Variants in MPZL1 observed in about 807,000 individuals in gnomAD.
MPZL1 encodes myelin protein zero-like protein 1.
Under a neutral mutation model 29.3 loss-of-function variants are expected in MPZL1, and 16 were observed. That is an observed-to-expected ratio of 0.55 (90% CI 0.37 to 0.83). The LOEUF (loss-of-function observed/expected upper bound fraction) is 0.83, where lower values mean the gene tolerates loss of function less well. Among genes scored for constraint, MPZL1 ranks in the 40% least tolerant of loss-of-function variants. The pLI, the probability that MPZL1 is intolerant of heterozygous loss-of-function variation, is 0.00. For missense variants in MPZL1, 279 were observed against 332.9 expected, an observed-to-expected ratio of 0.84 and a Z score of 1.26; for synonymous variants, 143 against 132.0, an observed-to-expected ratio of 1.08 and a Z score of -0.57.
At chr1:167,785,823 C>T (rs1322479780) in intron 5 of MPZL1, among the ~76,000 whole-genome samples, 3 of 152,062 alleles carry the variant, frequency 2.0e-5, no homozygotes, top group African/African-American at 4.8e-5. Flanking sequence ...GACGGAGTCT[C>T]GCTTTGTCAC....
chr1:167,737,050 T>C (rs1453039181), intron 1 of MPZL1, among the ~76,000 whole-genome samples: 1 of 152,208 alleles, frequency 6.6e-6, no homozygotes, highest in Non-Finnish European at 1.5e-5. Flanking sequence ...CCTATTTAGC[T>C]TTCTCATCTC....
rs1008152873 is a variant in MPZL1 at position 167,791,776 on chromosome 1, G to A, written c.*3855G>A. 1 of 152,158 alleles carries A rather than the reference G, an allele frequency of 6.6e-6. No individual in the cohort carries two copies. The highest frequency in any genetic ancestry group is 1.5e-5 in the Non-Finnish European group (1 of 68,018). The allele number at this position is 152,158 out of a possible 1,614,324, so 9.4% of individuals were successfully genotyped here. A position where few individuals can be genotyped will look rare whatever the true frequency, so the allele number is the denominator to read the frequency against. On this transcript the variant is annotated 3_prime_UTR_variant, in exon 6 of 6. Transcript: ENST00000359523. ...AGGAGCTGGTTAGAGAGTCCCTTAG[G>A]AACTTGAGAGGGTAGTGTAGTCTAG...
At chr1:167,766,962 C>A (rs760952120) in intron 2 of MPZL1, among the ~76,000 whole-genome samples, 2 of 151,202 alleles carry the variant, frequency 1.3e-5, no homozygotes, top group Non-Finnish European at 2.9e-5. Flanking sequence ...TTAAAAGGAG[C>A]CTTTTCACAT....
chr1:167,737,090 C>G (rs912424214), intron 1 of MPZL1, among the ~76,000 whole-genome samples: 11 of 152,218 alleles, frequency 7.2e-5, no homozygotes, highest in Non-Finnish European at 1.6e-4. Flanking sequence ...AGCACTTTGC[C>G]TCTAAGCTTC....
intron 1 of MPZL1, among the ~76,000 whole-genome samples, chr1:167,760,467 T>G (rs1660962946): frequency 6.6e-6 from 1 of 152,086 alleles, no homozygotes; most frequent in East Asian, 1.9e-4. Flanking sequence ...CCTCCCAAAG[T>G]GCTGGGATTA....
intron 2 of MPZL1, among the ~76,000 whole-genome samples, chr1:167,771,609 G>A (rs1241172433): frequency 5.9e-5 from 9 of 152,022 alleles, no homozygotes; most frequent in African/African-American, 1.9e-4. Flanking sequence ...AGACGGGGTG[G>A]TGGCCGGGCA....
intron 5 of MPZL1, among the ~76,000 whole-genome samples, chr1:167,784,024 A>G (rs1197671222): frequency 6.6e-6 from 1 of 152,218 alleles, no homozygotes; most frequent in Non-Finnish European, 1.5e-5. Flanking sequence ...TGAAAGGTGT[A>G]CTACAGGACA....
At chr1:167,762,077 A>T (rs1269986049) in intron 1 of MPZL1, among the ~76,000 whole-genome samples, 2 of 152,098 alleles carry the variant, frequency 1.3e-5, no homozygotes, top group Non-Finnish European at 2.9e-5. Flanking sequence ...GCAGGTACTG[A>T]TGATTGGGTC....
Position 167,791,329 on chromosome 1 carries a change from A to G in MPZL1, c.*3408A>G, listed in dbSNP as rs1259813566. 6.6e-6 allele frequency: 1 copy of G among 152,244 alleles called. No individual in the cohort carries two copies. Among genetic ancestry groups the G allele is most frequent in the East Asian group, 1.9e-4 (1 of 5,200 alleles). The allele number at this position is 152,244 out of a possible 1,614,324, so 9.4% of individuals were successfully genotyped here. A position where few individuals can be genotyped will look rare whatever the true frequency, so the allele number is the denominator to read the frequency against. ...GAAGCATTCATCCATTCAGCAACCT[A>G]CACTGAGAACAATCCTGTGCCAAGC... On this transcript the variant is annotated 3_prime_UTR_variant, in exon 6 of 6. Transcript: ENST00000359523.
chr1:167,741,499 T>A (rs1660524527), intron 1 of MPZL1, among the ~76,000 whole-genome samples: 1 of 151,702 alleles, frequency 6.6e-6, no homozygotes, highest in Non-Finnish European at 1.5e-5. Context: ...CTAATTTTTG[T>A]ATTTTTAGTA....
chr1:167,775,967 G>A lies in MPZL1; in HGVS notation c.606-97G>A, dbSNP rs897861892. ...TGTCTTTTGTTTTTATATATCTGTT[G>A]CTTCATCTTGCCGTCAGTTGCATTT... On this transcript the variant is annotated intron_variant, in intron 4 of 5. Transcript: ENST00000359523. The A allele has an allele frequency of 7.8e-5, 55 of 703,006 alleles. 1 individual carries two copies. The East Asian group carries it at 1.7e-3, about 22-fold the overall frequency. The allele number at this position is 703,006 out of a possible 1,614,324, so 43.5% of individuals were successfully genotyped here. A position where few individuals can be genotyped will look rare whatever the true frequency, so the allele number is the denominator to read the frequency against.
At chr1:167,739,274 C>CATATATATATACACATATATAT (rs201991698) in intron 1 of MPZL1, among the ~76,000 whole-genome samples, 1 of 83,306 alleles carries the variant, frequency 1.2e-5, no homozygotes, top group African/African-American at 6.5e-5. Context: ...TACATATATA[C>CATATATATATACACATATATAT]ATATATACAT....
chr1:167,726,432 C>T (rs1392567008), intron 1 of MPZL1, among the ~76,000 whole-genome samples: 1 of 152,092 alleles, frequency 6.6e-6, no homozygotes, highest in South Asian at 2.1e-4. Flanking sequence ...TAGAAGTATT[C>T]CTAGTGCTTA....
rs142410885 is a variant in MPZL1 at position 167,738,986 on chromosome 1, G to A, written c.91+16744G>A. On this transcript the variant is annotated intron_variant, in intron 1 of 5. Transcript: ENST00000359523. ...TTGAGAGAGGGTCTCACTGTCACCC[G>A]GGCTGGAGTACAGTGGCTCAATCTT... 2.2e-3 allele frequency among the ~76,000 whole-genome samples: 340 copies of A among 151,782 alleles called. 3 individuals carry two copies. Among genetic ancestry groups the A allele is most frequent in the African/African-American group, 7.9e-3 (325 of 41,330 alleles).
At chr1:167,755,296 G>A (rs1161551387) in intron 1 of MPZL1, among the ~76,000 whole-genome samples, 3 of 152,002 alleles carry the variant, frequency 2.0e-5, no homozygotes, top group Admixed American at 1.3e-4. Context: ...TAATTGTATT[G>A]GCTTTTCTGG....
chr1:167,759,795 C>G (rs1007833957), intron 1 of MPZL1, among the ~76,000 whole-genome samples: 1 of 152,150 alleles, frequency 6.6e-6, no homozygotes, highest in African/African-American at 2.4e-5. Context: ...CCATAGCATT[C>G]TCTATCTGGG....
intron 5 of MPZL1, chr1:167,787,370 T>A (rs1328793393): frequency 6.5e-6 from 1 of 154,704 alleles, no homozygotes; most frequent in East Asian, 1.9e-4. Context: ...TATCTTTGGG[T>A]GGCACCAAAT....
intron 3 of MPZL1, 32 bp downstream of exon 3, chr1:167,772,520 G>T (rs78492861): frequency 6.4e-7 from 1 of 1,555,062 alleles, no homozygotes; most frequent in Admixed American, 1.7e-5. Flanking sequence ...CAGTAATAAT[G>T]CAGTCTCCTT....
chr1:167,722,370 G>T, intron 1 of MPZL1, 128 bp downstream of exon 1: 1 of 1,222,112 alleles, frequency 8.2e-7, no homozygotes, highest in Non-Finnish European at 1.0e-6. Flanking sequence ...CGCGGCCTGC[G>T]CTCTCTGGGG....
Sources: gnomAD v4.1 joint callset for allele counts (sites outside exome capture counted in the v4.1 genomes callset) on GRCh38, gnomAD v4.1.1 for gene constraint, MANE v1.5 for transcripts, NCBI Gene and HGNC (gene_info 2026-07-23, HGNC 2026-07-21) for gene names.